Variants in GRIN2A observed in about 807,000 individuals in gnomAD.
GRIN2A encodes the protein glutamate receptor ionotropic, NMDA 2A.
GRIN2A carries 22 observed loss-of-function variants against 113.4 expected under a neutral mutation model. The ratio of observed to expected loss-of-function variants is 0.19; its 90% CI spans 0.14 to 0.28. The LOEUF is 0.28. Among genes scored for constraint, GRIN2A ranks in the 10% least tolerant of loss-of-function variants. GRIN2A has a pLI of 1.00. For synonymous variants in GRIN2A, 827 were observed against 738.4 expected (o/e 1.12, Z -1.94); for missense variants, 1,502 against 1,887.0 (o/e 0.80, Z 3.78).
At chr16:10,086,433 G>A (rs914637220) in intron 2 of GRIN2A, among the ~76,000 whole-genome samples, 1 of 152,006 alleles carries the variant, frequency 6.6e-6, no homozygotes, top group African/African-American at 2.4e-5. Flanking sequence ...CTACCCAGGA[G>A]GACAGGCAAG....
chr16:9,881,410 T>A (rs2043477970), intron 4 of GRIN2A, among the ~76,000 whole-genome samples: 1 of 152,228 alleles, frequency 6.6e-6, no homozygotes, highest in African/African-American at 2.4e-5. Context: ...AGTAAGTCTA[T>A]GCCCTAAAGC....
rs139854186 is a variant in GRIN2A, at chr16:10,128,964, G to A, written c.414+51034C>T. ...CACATATGTGCACGAGTGTGTCTGT[G>A]CATACCTGAGCACGCTCTTATTTCA... is the stretch of plus-strand genomic sequence containing the variant. On this transcript the variant is annotated intron_variant, in intron 2 of 12. Transcript: ENST00000330684. Among the ~76,000 whole-genome samples the A allele has an allele frequency of 3.7e-4, 57 of 152,276 alleles. No individual in the cohort carries two copies. The East Asian group carries it at 6.6e-3, about 18-fold the overall frequency.
intron 11 of GRIN2A, among the ~76,000 whole-genome samples, chr16:9,786,070 C>T (rs1022799015): frequency 2.6e-5 from 4 of 152,214 alleles, no homozygotes; most frequent in African/African-American, 9.7e-5. Flanking sequence ...TAGCCCAGCT[C>T]ATCCCCAACT....
chr16:9,871,361 A>C (rs2043257328), intron 4 of GRIN2A, among the ~76,000 whole-genome samples: 1 of 152,142 alleles, frequency 6.6e-6, no homozygotes, highest in South Asian at 2.1e-4. Context: ...ACTTGTCTCT[A>C]AAACTTTGGA....
intron 2 of GRIN2A, among the ~76,000 whole-genome samples, chr16:10,072,719 T>C (rs2047780197): frequency 6.6e-6 from 1 of 152,158 alleles, no homozygotes; most frequent in South Asian, 2.1e-4. Flanking sequence ...AACATGTGCA[T>C]CCTAGGCTCT....
chr16:9,880,742 T>G (rs979759323), intron 4 of GRIN2A, among the ~76,000 whole-genome samples: 3 of 152,232 alleles, frequency 2.0e-5, no homozygotes, highest in African/African-American at 7.2e-5. Flanking sequence ...CTGCATGGAA[T>G]GGCCTCCTCA....
intron 5 of GRIN2A, among the ~76,000 whole-genome samples, chr16:9,847,934 TAA>T (rs1223298885): frequency 2.7e-5 from 4 of 146,238 alleles, no homozygotes; most frequent in African/African-American, 9.9e-5. Flanking sequence ...TATATATATA[TAA>T]AAATATATAT....
intron 2 of GRIN2A, among the ~76,000 whole-genome samples, chr16:9,999,424 G>A (rs923674684): frequency 9.8e-5 from 15 of 152,298 alleles, no homozygotes; most frequent in Non-Finnish European, 5.9e-5. Flanking sequence ...AAAAAAGGAT[G>A]AGTTCATGTC....
chr16:9,932,562 T>C (rs1437072381), intron 3 of GRIN2A, among the ~76,000 whole-genome samples: 4 of 151,496 alleles, frequency 2.6e-5, no homozygotes, highest in African/African-American at 9.7e-5. Context: ...TTTTTTTTTT[T>C]AGTAGAGATA....
intron 11 of GRIN2A, among the ~76,000 whole-genome samples, chr16:9,793,098 T>G (rs1390378837): frequency 1.3e-5 from 2 of 152,208 alleles, no homozygotes; most frequent in African/African-American, 4.8e-5. Flanking sequence ...TGCAGTTCAC[T>G]TTACTCATTG....
chr16:9,785,444 TGGGGGGA>T (rs1191574786), intron 11 of GRIN2A, among the ~76,000 whole-genome samples: 1 of 58,370 alleles, frequency 1.7e-5, no homozygotes, highest in South Asian at 7.6e-4. Flanking sequence ...TGTTGTGGGG[TGGGGGGA>T]GGGGGGAGGG....
intron 2 of GRIN2A, among the ~76,000 whole-genome samples, chr16:10,100,714 C>T (rs982827565): frequency 1.3e-5 from 2 of 152,188 alleles, no homozygotes; most frequent in African/African-American, 2.4e-5. Flanking sequence ...GGCATAGTGC[C>T]CCCCTGCTGG....
chr16:9,777,603 G>A (rs2141173475), intron 11 of GRIN2A, among the ~76,000 whole-genome samples: 1 of 152,344 alleles, frequency 6.6e-6, no homozygotes, highest in East Asian at 1.9e-4. Context: ...TGGCATAAAT[G>A]TTTCACCGCC....
At chr16:10,122,431 G>T (rs535878908) in intron 2 of GRIN2A, among the ~76,000 whole-genome samples, 1 of 152,244 alleles carries the variant, frequency 6.6e-6, no homozygotes, top group East Asian at 1.9e-4. Flanking sequence ...ATTGCAGCAG[G>T]TTCGGCTATT....
intron 2 of GRIN2A, among the ~76,000 whole-genome samples, chr16:10,149,710 T>C: frequency 6.6e-6 from 1 of 152,140 alleles, no homozygotes; most frequent in East Asian, 1.9e-4. Context: ...TGTAATATCC[T>C]CCTAACTGGC....
chr16:10,116,777 A>C (rs2048735944), intron 2 of GRIN2A, among the ~76,000 whole-genome samples: 1 of 152,198 alleles, frequency 6.6e-6, no homozygotes, highest in African/African-American at 2.4e-5. Flanking sequence ...CCTGAGCAGC[A>C]AAGAAGCCAG....
intron 8 of GRIN2A, among the ~76,000 whole-genome samples, chr16:9,833,264 T>C (rs1255336969): frequency 6.6e-6 from 1 of 152,236 alleles, no homozygotes; most frequent in Non-Finnish European, 1.5e-5. Flanking sequence ...TCAACTACAA[T>C]GCACTAAGAT....
chr16:9,869,129 A>G (rs2043212508), intron 4 of GRIN2A, among the ~76,000 whole-genome samples: 1 of 152,182 alleles, frequency 6.6e-6, no homozygotes, highest in Non-Finnish European at 1.5e-5. Flanking sequence ...ATAGATGCAC[A>G]AATACCTATG....
rs551996423 is a variant in GRIN2A at position 10,168,740 on chromosome 16, T to A, written c.414+11258A>T. Among the ~76,000 whole-genome samples the A allele has an allele frequency of 2.6e-5, 4 of 152,150 alleles. No individual in the cohort carries two copies. The South Asian group carries it at 8.3e-4, about 32-fold the overall frequency. On this transcript the variant is annotated intron_variant, in intron 2 of 12. Coordinates refer to ENST00000330684, the MANE Select transcript of GRIN2A (RefSeq NM_001134407.3). ...CAGCACTTTAGGAGGCCAAAGCGGG[T>A]GGATCACCTGAGGTCAGGAGTTCAA...
Sources: gnomAD v4.1 joint callset for allele counts (sites outside exome capture counted in the v4.1 genomes callset) on GRCh38, gnomAD v4.1.1 for gene constraint, MANE v1.5 for transcripts, NCBI Gene and HGNC (gene_info 2026-07-23, HGNC 2026-07-21) for gene names.